RNF150: variants seen among roughly 807,000 people sequenced by gnomAD.
RNF150 encodes ring finger protein 150.
RNF150 carries 24 observed loss-of-function variants against 39.3 expected under a neutral mutation model. The observed-to-expected ratio is 0.61, with a 90% CI of 0.44 to 0.86. The LOEUF (loss-of-function observed/expected upper bound fraction) is 0.86, where lower values mean the gene tolerates loss of function less well. Among genes scored for constraint, RNF150 ranks in the 40% least tolerant of loss-of-function variants. The pLI, the probability that RNF150 is intolerant of heterozygous loss-of-function variation, is 0.00. For missense variants in RNF150, 502 were observed against 587.8 expected, an observed-to-expected ratio of 0.85 and a Z score of 1.51; for synonymous variants, 255 against 227.3, an observed-to-expected ratio of 1.12 and a Z score of -1.10.
intron 5 of RNF150, among the ~76,000 whole-genome samples, chr4:140,917,031 T>A (rs1373486769): frequency 3.3e-5 from 5 of 152,026 alleles, no homozygotes; most frequent in Non-Finnish European, 7.4e-5. Context: ...CTAAAAGAGC[T>A]CCTGAAGGAA....
chr4:141,144,441 A>C (rs529081196), intron 1 of RNF150, among the ~76,000 whole-genome samples: 3 of 152,278 alleles, frequency 2.0e-5, no homozygotes, highest in East Asian at 1.9e-4. Context: ...CTCGCTTTGG[A>C]GTCTGGGCCT....
chr4:141,051,247 G>A (rs1359553619), intron 1 of RNF150, among the ~76,000 whole-genome samples: 2 of 152,136 alleles, frequency 1.3e-5, no homozygotes, highest in South Asian at 2.1e-4. Context: ...GGGCCTCTGG[G>A]CCTGTGATGT....
intron 1 of RNF150, among the ~76,000 whole-genome samples, chr4:141,020,091 T>A (rs1325206246): frequency 7.2e-6 from 1 of 139,664 alleles, no homozygotes. Context: ...GGAGTTTTTT[T>A]TTGGTTTGAT....
chr4:140,864,377 G>A lies in RNF150; in HGVS notation c.*3884C>T, dbSNP rs1381212217. On this transcript the variant is annotated 3_prime_UTR_variant, in exon 7 of 7. Coordinates refer to ENST00000515673, the MANE Select transcript of RNF150 (RefSeq NM_020724.2). The stretch of plus-strand genomic sequence containing the variant: ...TCCAAAGGGACTAGCCACATAGGAG[G>A]TAGCAGTTCCTAAAGGTGACCCTAA... 1 of 152,220 alleles carries A rather than the reference G, an allele frequency of 6.6e-6. No homozygotes were observed. The highest frequency in any genetic ancestry group is 1.5e-5 in the Non-Finnish European group (1 of 68,066). The allele number at this position is 152,220 out of a possible 1,614,324, so 9.4% of individuals were successfully genotyped here. A position where few individuals can be genotyped will look rare whatever the true frequency, so the allele number is the denominator to read the frequency against.
chr4:140,871,459 T>C (rs1480687975), intron 6 of RNF150, among the ~76,000 whole-genome samples: 1 of 152,236 alleles, frequency 6.6e-6, no homozygotes, highest in Non-Finnish European at 1.5e-5. Flanking sequence ...GAAATCTTAT[T>C]CCTGGAGATA....
At chr4:141,044,471 T>C (rs1507187) in intron 1 of RNF150, among the ~76,000 whole-genome samples, 98,252 of 152,032 alleles carry the variant, frequency 0.65, 33,664 homozygotes, top group Non-Finnish European at 0.77. Context: ...CAAACATTAA[T>C]ATACAAAAAA....
At chr4:141,090,162 C>T (rs981369293) in intron 1 of RNF150, among the ~76,000 whole-genome samples, 2 of 152,076 alleles carry the variant, frequency 1.3e-5, no homozygotes, top group African/African-American at 2.4e-5. Flanking sequence ...CTAGAATGTG[C>T]CTTGAAGATA....
intron 1 of RNF150, among the ~76,000 whole-genome samples, chr4:141,141,892 C>T (rs1727123293): frequency 1.3e-5 from 2 of 152,190 alleles, no homozygotes; most frequent in South Asian, 4.1e-4. Context: ...CATCCAGTTC[C>T]ACCATGGAGA....
chr4:140,941,763 A>G (rs1477828679), intron 4 of RNF150, among the ~76,000 whole-genome samples: 1 of 152,226 alleles, frequency 6.6e-6, no homozygotes, highest in Non-Finnish European at 1.5e-5. Flanking sequence ...AGTACCATTG[A>G]TAATGACAAG....
intron 6 of RNF150, among the ~76,000 whole-genome samples, chr4:140,891,170 T>A (rs1405839513): frequency 1.3e-5 from 2 of 152,226 alleles, no homozygotes; most frequent in East Asian, 1.9e-4. Flanking sequence ...CACTTTTTTT[T>A]ATAACAGTGG....
At chr4:140,868,710 T>C (rs953902353) in intron 6 of RNF150, among the ~76,000 whole-genome samples, 2 of 152,198 alleles carry the variant, frequency 1.3e-5, no homozygotes, top group African/African-American at 4.8e-5. Flanking sequence ...ATGCGTAACA[T>C]TTAAAATGTT....
intron 1 of RNF150, among the ~76,000 whole-genome samples, chr4:141,176,398 C>T (rs1366823958): frequency 6.6e-6 from 1 of 152,138 alleles, no homozygotes; most frequent in African/African-American, 2.4e-5. Flanking sequence ...ATGGCTTGGT[C>T]CCTTGCAAAA....
Position 141,057,251 on chromosome 4 carries a change from A to G in RNF150, c.484+75074T>C, listed in dbSNP as rs142840668. On this transcript the variant is annotated intron_variant, in intron 1 of 6. Transcript: ENST00000515673. ...ATAAATGTTAATTCTTATTTTTTAA[A>G]ATTATATTTATGTAATAGGTTATAT... Among the ~76,000 whole-genome samples, 409 of 151,958 alleles carry G rather than the reference A, an allele frequency of 2.7e-3. 3 individuals are homozygous for G. The highest frequency in any genetic ancestry group is 8.8e-3 in the African/African-American group (367 of 41,518).
intron 1 of RNF150, among the ~76,000 whole-genome samples, chr4:141,042,063 T>C (rs998853117): frequency 2.9e-4 from 44 of 152,040 alleles, no homozygotes; most frequent in South Asian, 2.5e-3. Context: ...TTCAAGAATA[T>C]AAAATCATCA....
At chr4:140,972,165 C>T (rs1363083892) in intron 1 of RNF150, among the ~76,000 whole-genome samples, 1 of 152,066 alleles carries the variant, frequency 6.6e-6, no homozygotes, top group Non-Finnish European at 1.5e-5. Context: ...TCTATTTGTA[C>T]ACTTAATATC....
chr4:141,013,088 T>C (rs1398053951), intron 1 of RNF150, among the ~76,000 whole-genome samples: 1 of 152,150 alleles, frequency 6.6e-6, no homozygotes, highest in African/African-American at 2.4e-5. Context: ...ACATGAAGTG[T>C]TGGAGGATAC....
At chr4:140,969,530 T>A (rs1332190274) in intron 1 of RNF150, among the ~76,000 whole-genome samples, 1 of 152,104 alleles carries the variant, frequency 6.6e-6, no homozygotes, top group Non-Finnish European at 1.5e-5. Flanking sequence ...AAACATGATC[T>A]TCTTTGTATA....
rs966123608 is a variant in RNF150 at position 140,863,538 on chromosome 4, A to G, written c.*4723T>C. The G allele has an allele frequency of 6.6e-6, 1 of 152,166 alleles. No individual in the cohort carries two copies. The highest frequency in any genetic ancestry group is 2.4e-5 in the African/African-American group (1 of 41,448). 9.4% of individuals were successfully genotyped at this position (152,166 alleles called of 1,614,324 possible). Reference sequence around the variant, plus strand: ...ATGATAATGACTCTGTAGGTATAGAACCTCCAGTTTTTTGTGTTCTGAAGG... The same window carrying G: ...ATGATAATGACTCTGTAGGTATAGAGCCTCCAGTTTTTTGTGTTCTGAAGG... On this transcript the variant is annotated 3_prime_UTR_variant, in exon 7 of 7. Transcript: ENST00000515673.
At chr4:140,986,501 T>G (rs1734021118) in intron 1 of RNF150, among the ~76,000 whole-genome samples, 2 of 152,126 alleles carry the variant, frequency 1.3e-5, no homozygotes, top group African/African-American at 4.8e-5. Context: ...AGCTCTCAGA[T>G]GCATCCACCA....
Sources: allele counts gnomAD v4.1 joint callset (sites outside exome capture counted in the v4.1 genomes callset), GRCh38; gene constraint gnomAD v4.1.1; transcripts MANE v1.5; gene names NCBI Gene and HGNC (gene_info 2026-07-23, HGNC 2026-07-21).